Variants in TCF4 observed in about 807,000 individuals in gnomAD.
TCF4 encodes the protein transcription factor 4, also known as SL3-3 enhancer factor 2.
Under a neutral mutation model 82.1 loss-of-function variants are expected in TCF4, and 3 were observed. The observed-to-expected ratio is 0.04, with a 90% CI of 0.02 to 0.09. TCF4 has a LOEUF of 0.09. Among genes scored for constraint, TCF4 ranks in the 10% least tolerant of loss-of-function variants. The pLI, the probability that TCF4 is intolerant of heterozygous loss-of-function variation, is 1.00. For synonymous variants in TCF4, 276 were observed against 309.6 expected (o/e 0.89, Z 1.14); for missense variants, 518 against 852.7 (o/e 0.61, Z 4.89).
intron 3 of TCF4, among the ~76,000 whole-genome samples, chr18:55,525,992 T>C (rs1283845008): frequency 6.6e-6 from 1 of 152,222 alleles, no homozygotes; most frequent in Non-Finnish European, 1.5e-5. Flanking sequence ...TGCCAGTCTC[T>C]ATTCTTAGTG....
chr18:55,449,608 G>T (rs192776797), intron 5 of TCF4, among the ~76,000 whole-genome samples: 77 of 152,314 alleles, frequency 5.1e-4, no homozygotes, highest in Admixed American at 9.2e-4. Context: ...AGTACAGCTT[G>T]GTCTGAATAG....
Position 55,523,846 on chromosome 18 carries a change from T to C in TCF4, c.146-59709A>G, listed in dbSNP as rs201339426. ...ATAGCTTGAAGGGAAAGGATTTTTC[T>C]GTGATGTTCATGCCAGACAAATAAG... is the stretch of plus-strand genomic sequence containing the variant. On this transcript the variant is annotated intron_variant, in intron 3 of 19. Transcript: ENST00000354452. 7.9e-5 allele frequency among the ~76,000 whole-genome samples: 12 copies of C among 152,108 alleles called. No homozygotes were observed. The East Asian group carries it at 2.1e-3, about 27-fold the overall frequency.
intron 15 of TCF4, among the ~76,000 whole-genome samples, chr18:55,250,789 C>G (rs572247027): frequency 6.6e-6 from 1 of 151,990 alleles, no homozygotes; most frequent in South Asian, 2.1e-4. Context: ...ATGTGAGACT[C>G]GAGGAATTTA....
intron 3 of TCF4, among the ~76,000 whole-genome samples, chr18:55,468,567 T>C (rs1424526393): frequency 1.3e-5 from 2 of 152,210 alleles, no homozygotes; most frequent in African/African-American, 4.8e-5. Context: ...ACCATGTGAA[T>C]ATATATACAG....
chr18:55,337,529 AG>A (rs1466266241), intron 8 of TCF4, among the ~76,000 whole-genome samples: 7 of 152,346 alleles, frequency 4.6e-5, no homozygotes, highest in African/African-American at 1.7e-4. Flanking sequence ...GAATCTTCAA[AG>A]AAAATAATGT....
intron 5 of TCF4, among the ~76,000 whole-genome samples, chr18:55,447,690 A>C (rs1443853231): frequency 1.3e-5 from 2 of 152,182 alleles, no homozygotes; most frequent in South Asian, 2.1e-4. Flanking sequence ...ATAACATGTT[A>C]ATTTTATTTA....
At chr18:55,358,381 G>C (rs546719956) in intron 6 of TCF4, among the ~76,000 whole-genome samples, 2 of 152,196 alleles carry the variant, frequency 1.3e-5, no homozygotes, top group African/African-American at 4.8e-5. Context: ...GAGGAGGATG[G>C]GTGGATGTGA....
intron 3 of TCF4, among the ~76,000 whole-genome samples, chr18:55,484,707 A>G (rs1230899416): frequency 6.6e-6 from 1 of 152,248 alleles, no homozygotes; most frequent in East Asian, 1.9e-4. Flanking sequence ...GTGTTGTGGT[A>G]GAGAAAATAA....
At chr18:55,377,917 C>T (rs1307453004) in intron 6 of TCF4, among the ~76,000 whole-genome samples, 1 of 152,162 alleles carries the variant, frequency 6.6e-6, no homozygotes, top group South Asian at 2.1e-4. Flanking sequence ...TTCTTCCATT[C>T]ACGCTATAGA....
chr18:55,472,834 T>A (rs2096214396), intron 3 of TCF4, among the ~76,000 whole-genome samples: 1 of 152,206 alleles, frequency 6.6e-6, no homozygotes, highest in South Asian at 2.1e-4. Flanking sequence ...AGGAAGTTTT[T>A]AAGTAGGTGT....
chr18:55,532,532 A>G (rs1292758140), intron 3 of TCF4, among the ~76,000 whole-genome samples: 2 of 152,236 alleles, frequency 1.3e-5, no homozygotes, highest in African/African-American at 4.8e-5. Context: ...TCTGATAAGT[A>G]CTGTCAAACC....
At chr18:55,388,717 A>T (rs930545205) in intron 6 of TCF4, among the ~76,000 whole-genome samples, 2 of 152,190 alleles carry the variant, frequency 1.3e-5, no homozygotes, top group African/African-American at 4.8e-5. Context: ...TGACAAAGAA[A>T]ATGCCAAATC....
Position 55,477,394 on chromosome 18 carries a change from AG to A in TCF4, c.146-13258del, listed in dbSNP as rs1378222791. On this transcript the variant is annotated intron_variant, in intron 3 of 19. Coordinates refer to ENST00000354452, the MANE Select transcript of TCF4 (RefSeq NM_001083962.2). ...TTACGATTACCTGTTTAATTCTAAC[AG>A]AGAATAGAATACTTGCTAATGTTCA... is the stretch of plus-strand genomic sequence containing the variant. Among the ~76,000 whole-genome samples, 4 of 152,384 alleles carry A rather than the reference AG, an allele frequency of 2.6e-5. No homozygotes were observed. In the East Asian group the frequency reaches 7.7e-4, roughly 29 times the overall value.
At chr18:55,291,505 A>T (rs954173912) in intron 8 of TCF4, among the ~76,000 whole-genome samples, 4 of 152,186 alleles carry the variant, frequency 2.6e-5, no homozygotes, top group African/African-American at 9.7e-5. Flanking sequence ...TCCCTTTCAT[A>T]AAGCTGAAAA....
At position 55,227,987 on chromosome 18, in the gene TCF4, G is replaced by A; in HGVS notation, c.*48C>T. The A allele has an allele frequency of 1.9e-6, 1 of 514,948 alleles. No homozygotes were observed. Among genetic ancestry groups the A allele is most frequent in the South Asian group, 2.1e-5 (1 of 47,286 alleles). 31.9% of individuals were successfully genotyped at this position (514,948 alleles called of 1,614,324 possible). ...GGGTTTAAGATAATACAGCTGTTAA[G>A]GAAGTGGTCTCTTGTTTTAATGAAG... On this transcript the variant is annotated 3_prime_UTR_variant, in exon 20 of 20. Transcript: ENST00000354452.
chr18:55,460,715 T>C (rs1568106134), intron 5 of TCF4, among the ~76,000 whole-genome samples: 1 of 152,166 alleles, frequency 6.6e-6, no homozygotes, highest in Non-Finnish European at 1.5e-5. Flanking sequence ...CTACCTTAAC[T>C]TAGGAAACTA....
chr18:55,472,488 G>A (rs1306982251), intron 3 of TCF4, among the ~76,000 whole-genome samples: 1 of 152,098 alleles, frequency 6.6e-6, no homozygotes, highest in African/African-American at 2.4e-5. Context: ...TGGCTAGCTG[G>A]GGTCTTCCTC....
chr18:55,281,998 T>A (rs549893577), intron 8 of TCF4, among the ~76,000 whole-genome samples: 106 of 152,164 alleles, frequency 7.0e-4, no homozygotes, highest in Non-Finnish European at 1.3e-3. Flanking sequence ...TGAAACTCTT[T>A]GTTAATAGGC....
intron 5 of TCF4, among the ~76,000 whole-genome samples, chr18:55,406,835 G>A (rs531992067): frequency 2.0e-5 from 3 of 152,284 alleles, no homozygotes; most frequent in East Asian, 1.9e-4. Flanking sequence ...CAAACCCGGC[G>A]CGTTCACTGC....
Sources: allele counts gnomAD v4.1 joint callset (sites outside exome capture counted in the v4.1 genomes callset), GRCh38; gene constraint gnomAD v4.1.1; transcripts MANE v1.5; gene names NCBI Gene and HGNC (gene_info 2026-07-23, HGNC 2026-07-21).